CLEC16A: variants seen among roughly 807,000 people sequenced by gnomAD.
The protein encoded by CLEC16A is C-type lectin domain containing 16A.
In CLEC16A, 51 loss-of-function variants were observed where a neutral mutation model predicts 109.5. That is an observed-to-expected ratio of 0.47 (90% CI 0.37 to 0.59). The LOEUF is 0.59. CLEC16A is among the 20% of genes least tolerant of loss of function. The probability of loss-of-function intolerance (pLI) is 0.00; values close to 1 mark genes in which losing one functional copy is unlikely to be tolerated. For synonymous variants in CLEC16A, 673 were observed against 564.2 expected (o/e 1.19, Z -2.73); for missense variants, 1,339 against 1,394.0 (o/e 0.96, Z 0.63).
At chr16:11,027,126 C>T (rs1341560749) in intron 13 of CLEC16A, 6 of 1,494,998 alleles carry the variant, frequency 4.0e-6, no homozygotes, top group Non-Finnish European at 5.5e-6. Context: ...AAAGCAGGAA[C>T]TTTTGGCAAA....
chr16:11,145,638 G>T (rs2054020908), intron 22 of CLEC16A, among the ~76,000 whole-genome samples: 1 of 152,262 alleles, frequency 6.6e-6, no homozygotes, highest in African/African-American at 2.4e-5. Flanking sequence ...TACCAAGTGG[G>T]TGGGGCTGTG....
chr16:10,993,400 C>G (rs2044149390), intron 10 of CLEC16A, among the ~76,000 whole-genome samples: 1 of 152,054 alleles, frequency 6.6e-6, no homozygotes, highest in Non-Finnish European at 1.5e-5. Context: ...AGAAGTCAAG[C>G]TTACTTGTTT....
At chr16:10,952,102 A>C (rs1474127150) in intron 1 of CLEC16A, among the ~76,000 whole-genome samples, 2 of 152,264 alleles carry the variant, frequency 1.3e-5, no homozygotes, top group Non-Finnish European at 2.9e-5. Flanking sequence ...CAACTCCAGC[A>C]GCAGTCATCT....
At chr16:11,104,057 A>G (rs1236854272) in intron 19 of CLEC16A, among the ~76,000 whole-genome samples, 3 of 152,056 alleles carry the variant, frequency 2.0e-5, no homozygotes, top group African/African-American at 7.2e-5. Context: ...TGTGGCACCC[A>G]CAGATGCCTT....
chr16:10,976,606 A>G (rs2043042133), intron 7 of CLEC16A, among the ~76,000 whole-genome samples: 2 of 152,238 alleles, frequency 1.3e-5, no homozygotes, highest in African/African-American at 4.8e-5. Context: ...ATGCCTAGCT[A>G]GCATTTGCTG....
At chr16:11,158,142 T>G (rs1345259571) in intron 22 of CLEC16A, among the ~76,000 whole-genome samples, 1 of 152,148 alleles carries the variant, frequency 6.6e-6, no homozygotes, top group Non-Finnish European at 1.5e-5. Flanking sequence ...CCATGCACAC[T>G]TGCTGTCTTC....
intron 3 of CLEC16A, among the ~76,000 whole-genome samples, chr16:10,963,793 C>T (rs1306998220): frequency 1.3e-5 from 2 of 152,178 alleles, no homozygotes; most frequent in African/African-American, 4.8e-5. Flanking sequence ...CAGTGGTCTT[C>T]AGTGAGGGGA....
chr16:10,983,230 C>T (rs7184721), intron 10 of CLEC16A, among the ~76,000 whole-genome samples: 4,257 of 152,254 alleles, frequency 0.028, 137 homozygotes, highest in Middle Eastern at 0.15. Flanking sequence ...TGTACCACTC[C>T]GGGCCTTAGG....
At chr16:11,061,870 G>A (rs557261238) in intron 19 of CLEC16A, among the ~76,000 whole-genome samples, 1 of 152,262 alleles carries the variant, frequency 6.6e-6, no homozygotes, top group East Asian at 1.9e-4. Context: ...GCCTTCCTCC[G>A]TCTCCCAACT....
intron 23 of CLEC16A, among the ~76,000 whole-genome samples, chr16:11,171,073 G>A (rs1259132216): frequency 6.6e-6 from 1 of 152,232 alleles, no homozygotes; most frequent in Admixed American, 6.5e-5. Flanking sequence ...GGGTCTGCCT[G>A]TACATTCTGT....
At chr16:11,063,899 G>C (rs1192346313) in intron 19 of CLEC16A, among the ~76,000 whole-genome samples, 2 of 151,928 alleles carry the variant, frequency 1.3e-5, no homozygotes, top group South Asian at 2.1e-4. Flanking sequence ...TGGAGTGATG[G>C]GGGGCTGGGG....
chr16:11,170,629 C>G (rs886388469), intron 23 of CLEC16A, among the ~76,000 whole-genome samples: 3 of 152,198 alleles, frequency 2.0e-5, no homozygotes, highest in African/African-American at 4.8e-5. Flanking sequence ...GGCCTTCCAA[C>G]CTCTTAGTGG....
At chr16:11,070,228 G>A (rs1355271039) in intron 19 of CLEC16A, among the ~76,000 whole-genome samples, 2 of 152,008 alleles carry the variant, frequency 1.3e-5, no homozygotes, top group Non-Finnish European at 2.9e-5. Context: ...GTGCCACCAC[G>A]CCCAGCTAAT....
chr16:11,163,433 T>A (rs2054795893), intron 22 of CLEC16A, among the ~76,000 whole-genome samples: 1 of 152,218 alleles, frequency 6.6e-6, no homozygotes, highest in Non-Finnish European at 1.5e-5. Flanking sequence ...ATGTGTTCAG[T>A]AACCTCTGCT....
intron 18 of CLEC16A, among the ~76,000 whole-genome samples, chr16:11,052,805 A>G (rs2048018780): frequency 6.6e-6 from 1 of 152,172 alleles, no homozygotes; most frequent in African/African-American, 2.4e-5. Context: ...CCCACCTGGG[A>G]GATCCCCCCG....
intron 19 of CLEC16A, among the ~76,000 whole-genome samples, chr16:11,075,107 A>G (rs2049277205): frequency 6.6e-6 from 1 of 152,172 alleles, no homozygotes; most frequent in Admixed American, 6.5e-5. Context: ...AAATATCTAT[A>G]TTGTTTCTGC....
At chr16:11,079,480 A>G (rs1219857250) in intron 19 of CLEC16A, among the ~76,000 whole-genome samples, 1 of 152,202 alleles carries the variant, frequency 6.6e-6, no homozygotes, top group Admixed American at 6.5e-5. Context: ...ACCATTTTTT[A>G]TACAAGGTTC....
At chr16:10,960,984 A>T (rs560870721) in intron 2 of CLEC16A, among the ~76,000 whole-genome samples, 1 of 151,842 alleles carries the variant, frequency 6.6e-6, no homozygotes, top group Non-Finnish European at 1.5e-5. Flanking sequence ...TTTTTTCCCA[A>T]TGAATTGCCC....
At chr16:10,962,821 G>C (rs1236598329) in intron 3 of CLEC16A, among the ~76,000 whole-genome samples, 1 of 152,170 alleles carries the variant, frequency 6.6e-6, no homozygotes, top group African/African-American at 2.4e-5. Flanking sequence ...CACTTAGGAG[G>C]CCAAGGTGGG....
Sources: gnomAD v4.1 joint callset for allele counts (sites outside exome capture counted in the v4.1 genomes callset) on GRCh38, gnomAD v4.1.1 for gene constraint, MANE v1.5 for transcripts, NCBI Gene and HGNC (gene_info 2026-07-23, HGNC 2026-07-21) for gene names.